CCDC171: variants seen among roughly 807,000 people sequenced by gnomAD.
CCDC171 encodes coiled-coil domain containing 171.
Under a neutral mutation model 168.2 loss-of-function variants are expected in CCDC171, and 177 were observed. The observed-to-expected ratio is 1.05, with a 90% confidence interval of 0.93 to 1.19. The LOEUF is 1.19. CCDC171 is among the 50% of genes most tolerant of loss of function. CCDC171 has a pLI of 0.00. For synonymous variants in CCDC171, 687 were observed against 540.8 expected, an observed-to-expected ratio of 1.27 and a Z score of -3.75; for missense variants, 1,991 against 1,539.0, an observed-to-expected ratio of 1.29 and a Z score of -4.91.
intron 25 of CCDC171, among the ~76,000 whole-genome samples, chr9:15,960,906 TAAA>T (rs960983731): frequency 2.0e-5 from 3 of 151,802 alleles, no homozygotes; most frequent in Non-Finnish European, 4.4e-5. Context: ...AGTGGGGAAA[TAAA>T]GGCAGCTTGC....
At chr9:15,827,677 C>G (rs1221027279) in intron 21 of CCDC171, among the ~76,000 whole-genome samples, 1 of 151,882 alleles carries the variant, frequency 6.6e-6, no homozygotes, top group Non-Finnish European at 1.5e-5. Context: ...TTTTTTATTC[C>G]TAATTTTGCA....
rs745858245 is a variant in CCDC171, at chr9:15,779,134, A to G, written c.3065A>G (p.Asn1022Ser). Residue 1022 changes from asparagine (N) to serine (S), a missense_variant, in exon 20 of 26, where the codon AAT (asparagine) becomes AGT (serine). Transcript: ENST00000380701. ...DKAQGLQMQL[N>S]EFKQSKLITH... is the part of the protein sequence containing the mutation. ...GCCCAGGGTCTGCAAATGCAATTAA[A>G]TGAATTTAAGCAGTCTGTAAGTATA... 8.9e-6 allele frequency: 14 copies of G among 1,579,380 alleles called. No homozygotes were observed. The African/African-American group carries it at 1.8e-4, about 20-fold the overall frequency.
chr9:15,742,811 T>C (rs978830663), intron 16 of CCDC171, among the ~76,000 whole-genome samples: 3 of 152,150 alleles, frequency 2.0e-5, no homozygotes, highest in Non-Finnish European at 4.4e-5. Flanking sequence ...CTTTTTTTTT[T>C]CTTTTTTAAT....
At chr9:15,918,357 G>T (rs755981256) in intron 24 of CCDC171, among the ~76,000 whole-genome samples, 1 of 150,798 alleles carries the variant, frequency 6.6e-6, no homozygotes, top group South Asian at 2.1e-4. Flanking sequence ...TTTATAGAGG[G>T]AGGAGATGGA....
chr9:16,065,841 T>TGTGTGTGTGC (rs1015627458), downstream of CCDC171, among the ~76,000 whole-genome samples: 1,324 of 149,180 alleles, frequency 8.9e-3, 20 homozygotes, highest in African/African-American at 0.03. Context: ...TGTGTGTGTG[T>TGTGTGTGTGC]GTGCTGATTA....
At chr9:15,878,067 C>A (rs1390081456) in intron 24 of CCDC171, among the ~76,000 whole-genome samples, 2 of 151,986 alleles carry the variant, frequency 1.3e-5, no homozygotes, top group South Asian at 4.1e-4. Flanking sequence ...GACATAGGAA[C>A]CAGCAAAGAT....
chr9:15,638,288 A>G (rs565352413), intron 7 of CCDC171, among the ~76,000 whole-genome samples: 1 of 152,226 alleles, frequency 6.6e-6, no homozygotes, highest in South Asian at 2.1e-4. Flanking sequence ...CATGTGTTGT[A>G]TATTAGTTAG....
chr9:15,740,111 C>G (rs963260094), intron 16 of CCDC171, among the ~76,000 whole-genome samples: 3 of 152,042 alleles, frequency 2.0e-5, no homozygotes, highest in African/African-American at 7.2e-5. Context: ...TTTAACAATC[C>G]TATCTTTATA....
intron 6 of CCDC171, among the ~76,000 whole-genome samples, chr9:15,595,695 T>C (rs1404427974): frequency 1.3e-5 from 2 of 151,892 alleles, no homozygotes; most frequent in Non-Finnish European, 2.9e-5. Flanking sequence ...ATGGTATTTC[T>C]AGTTCTAGAT....
chr9:15,896,958 T>C (rs1200402049), intron 24 of CCDC171, among the ~76,000 whole-genome samples: 1 of 152,104 alleles, frequency 6.6e-6, no homozygotes, highest in Non-Finnish European at 1.5e-5. Flanking sequence ...AAAGGTCATT[T>C]TTTTCTGTCA....
At position 16,047,194 on chromosome 9, in the gene CCDC171, A is replaced by C. The variant is rs543359198; in HGVS notation, n.89+4308A>C. ...GTGAGTGGGGGTGGCATTTTCATCC[A>C]AATGTCTTCTGGGTACCTTGAACTC... On this transcript the variant is annotated intron_variant and non_coding_transcript_variant, in intron 1 of 1. Transcript: ENST00000478913. 2.0e-5 allele frequency among the ~76,000 whole-genome samples: 3 copies of C among 152,316 alleles called. No homozygotes were observed. The East Asian group carries it at 5.8e-4, about 29-fold the overall frequency.
chr9:15,801,323 A>C (rs1348357927), intron 21 of CCDC171, among the ~76,000 whole-genome samples: 1 of 151,938 alleles, frequency 6.6e-6, no homozygotes, highest in Non-Finnish European at 1.5e-5. Context: ...TGTAGAGATC[A>C]TTAACTTATT....
At chr9:15,955,979 T>C (rs931747147) in intron 25 of CCDC171, among the ~76,000 whole-genome samples, 1 of 152,186 alleles carries the variant, frequency 6.6e-6, no homozygotes, top group African/African-American at 2.4e-5. Flanking sequence ...CGATTCTAGA[T>C]AGATTTAGAT....
chr9:15,892,260 G>A (rs889902085), intron 24 of CCDC171, among the ~76,000 whole-genome samples: 2 of 152,114 alleles, frequency 1.3e-5, no homozygotes, highest in African/African-American at 2.4e-5. Context: ...TGGTGAGAGA[G>A]GGCAGCCTTG....
intron 7 of CCDC171, among the ~76,000 whole-genome samples, chr9:15,635,879 A>G (rs56333848): frequency 0.029 from 4,424 of 152,236 alleles, 212 homozygotes; most frequent in African/African-American, 0.1. Flanking sequence ...TGTTTTGTAC[A>G]GTGGCAGCAT....
chr9:15,943,962 T>G (rs1261739068), intron 25 of CCDC171, among the ~76,000 whole-genome samples: 6 of 152,006 alleles, frequency 3.9e-5, no homozygotes, highest in Non-Finnish European at 7.4e-5. Context: ...AACAAGGAAT[T>G]CCAGGCAGGG....
At chr9:15,660,795 A>T (rs1338804548) in intron 8 of CCDC171, among the ~76,000 whole-genome samples, 2 of 152,148 alleles carry the variant, frequency 1.3e-5, no homozygotes, top group African/African-American at 4.8e-5. Context: ...ATAAAAGTGC[A>T]TGTGTTTTTT....
chr9:15,663,733 G>A (rs1326278498), intron 8 of CCDC171, among the ~76,000 whole-genome samples: 1 of 151,262 alleles, frequency 6.6e-6, no homozygotes, highest in Admixed American at 6.6e-5. Flanking sequence ...AGCCTCCTGA[G>A]TAGCTGGGAC....
In CCDC171 at chr9:15,714,864, A is replaced by T. The variant is rs73644697; in HGVS notation, c.1319-6905A>T. Among the ~76,000 whole-genome samples, 654 of 152,234 alleles carry T rather than the reference A, an allele frequency of 4.3e-3. 8 individuals carry two copies. The highest frequency in any genetic ancestry group is 0.014 in the African/African-American group (594 of 41,542). On this transcript the variant is annotated intron_variant, in intron 11 of 25. Transcript: ENST00000380701. ...CAAATGAGACTTAACTATGCTGCCCATTTATTTTGGTTCTAGGAACACCAT... is the reference window on the plus strand; with the variant it reads ...CAAATGAGACTTAACTATGCTGCCCTTTTATTTTGGTTCTAGGAACACCAT...
Sources: allele counts gnomAD v4.1 joint callset (sites outside exome capture counted in the v4.1 genomes callset), GRCh38; gene constraint gnomAD v4.1.1; transcripts MANE v1.5; gene names NCBI Gene and HGNC (gene_info 2026-07-23, HGNC 2026-07-21).